RASAL2: variants seen among roughly 807,000 people sequenced by gnomAD.
RASAL2 encodes ras GTPase-activating protein nGAP.
In RASAL2, 58 loss-of-function variants were observed where a neutral mutation model predicts 128.9. That is an observed-to-expected ratio of 0.45 (90% CI 0.36 to 0.56). The LOEUF (loss-of-function observed/expected upper bound fraction) is 0.56. RASAL2 is among the 20% of genes least tolerant of loss of function. RASAL2 has a pLI of 0.00. For synonymous variants in RASAL2, 561 were observed against 580.8 expected, an observed-to-expected ratio of 0.97 and a Z score of 0.49; for missense variants, 1,360 against 1,601.6, an observed-to-expected ratio of 0.85 and a Z score of 2.57.
chr1:178,361,126 G>A (rs1043820545), intron 3 of RASAL2, among the ~76,000 whole-genome samples: 1 of 152,188 alleles, frequency 6.6e-6, no homozygotes, highest in Admixed American at 6.5e-5. Context: ...AGATAATAAT[G>A]TAGTTCTGTA....
chr1:178,249,802 G>A (rs1198836229), intron 1 of RASAL2, among the ~76,000 whole-genome samples: 2 of 151,732 alleles, frequency 1.3e-5, no homozygotes, highest in Non-Finnish European at 2.9e-5. Context: ...CTGTTTGTTA[G>A]TGTTTCTTCT....
At chr1:178,383,220 A>G (rs2102572256) in intron 3 of RASAL2, among the ~76,000 whole-genome samples, 1 of 152,300 alleles carries the variant, frequency 6.6e-6, no homozygotes, top group East Asian at 1.9e-4. Flanking sequence ...TGTGTGGGGC[A>G]TGCAAACTTG....
chr1:178,147,248 G>A (rs1193600482), intron 1 of RASAL2, among the ~76,000 whole-genome samples: 1 of 152,106 alleles, frequency 6.6e-6, no homozygotes, highest in African/African-American at 2.4e-5. Flanking sequence ...CAGCACTTAG[G>A]GAGGCCGAGG....
At chr1:178,398,906 G>C (rs1673434860) in intron 4 of RASAL2, among the ~76,000 whole-genome samples, 29 of 152,082 alleles carry the variant, frequency 1.9e-4, no homozygotes. Context: ...TTCCTTCCCT[G>C]AACTAGTACC....
chr1:178,126,650 T>G lies in RASAL2; in HGVS notation c.202+31956T>G, dbSNP rs151273528. ...ATAAAAATGTGGGAAAGCTCAAGAGTGAGTACACTTTACAACCTGGCTGCC... is the reference window on the plus strand; with the variant it reads ...ATAAAAATGTGGGAAAGCTCAAGAGGGAGTACACTTTACAACCTGGCTGCC... On this transcript the variant is annotated intron_variant, in intron 1 of 17. Transcript: ENST00000367649. 8.3e-4 allele frequency among the ~76,000 whole-genome samples: 127 copies of G among 152,302 alleles called. 1 individual carries two copies. The highest frequency in any genetic ancestry group is 2.9e-3 in the African/African-American group (120 of 41,566).
intron 1 of RASAL2, among the ~76,000 whole-genome samples, chr1:178,208,845 G>A (rs1663154842): frequency 6.6e-6 from 1 of 152,256 alleles, no homozygotes; most frequent in East Asian, 1.9e-4. Flanking sequence ...TGTCACCCCT[G>A]GCGGCCCAGC....
intron 1 of RASAL2, among the ~76,000 whole-genome samples, chr1:178,166,496 T>C (rs372174764): frequency 6.6e-6 from 1 of 152,220 alleles, no homozygotes; most frequent in East Asian, 1.9e-4. Flanking sequence ...AAAATAAACT[T>C]ATGTGAGTAA....
rs914196862 is a variant in RASAL2, at chr1:178,464,842, T to G, written c.3387+430T>G. ...TTTTGGTTTTAGTTGTTTTTTTTTT[T>G]TTTTTTTTTTTTTTGCCTTTTCTGG... On this transcript the variant is annotated intron_variant, in intron 15 of 17. Transcript: ENST00000367649. Among the ~76,000 whole-genome samples, 683 of 130,376 alleles carry G rather than the reference T, an allele frequency of 5.2e-3. 23 individuals carry two copies. Among genetic ancestry groups the G allele is most frequent in the African/African-American group, 0.019 (638 of 34,384 alleles). 85.5% of individuals were successfully genotyped at this position (130,376 alleles called of 152,430 possible). A position where few individuals can be genotyped will look rare whatever the true frequency, so the allele number is the denominator to read the frequency against.
In RASAL2 at chr1:178,094,401, T is replaced by G. The variant is rs896236623; in HGVS notation, c.-92T>G. The G allele has an allele frequency of 8.1e-7, 1 of 1,232,022 alleles. No homozygotes were observed. The highest frequency in any genetic ancestry group is 1.1e-6 in the Non-Finnish European group (1 of 922,046). 76.3% of individuals were successfully genotyped at this position (1,232,022 alleles called of 1,614,324 possible). On this transcript the variant is annotated 5_prime_UTR_variant, in exon 1 of 18. Transcript: ENST00000367649. ...TCGGGTCCCTGCCCTCGCTGCGCGC[T>G]CTCCTCCTCCCCTTACCGCAGGCAG...
chr1:178,102,619 A>G (rs1391041209), intron 1 of RASAL2, among the ~76,000 whole-genome samples: 1 of 152,188 alleles, frequency 6.6e-6, no homozygotes, highest in Non-Finnish European at 1.5e-5. Flanking sequence ...CAAACTGCAT[A>G]TATTTTACAT....
chr1:178,359,549 A>AACATTTTCATTT (rs1266741313), intron 3 of RASAL2, among the ~76,000 whole-genome samples: 4 of 152,148 alleles, frequency 2.6e-5, no homozygotes, highest in Non-Finnish European at 5.9e-5. Flanking sequence ...CATTTTACAA[A>AACATTTTCATTT]ACATCATTTT....
rs139795268 is a variant in RASAL2 at position 178,411,200 on chromosome 1, G to A, written c.565-9311G>A. ...CACACACACACACACACACCCCATG[G>A]AATACTACTCAGTCACAAACAAAAA... is the stretch of plus-strand genomic sequence containing the variant. On this transcript the variant is annotated intron_variant, in intron 4 of 17. Transcript: ENST00000367649. 6.9e-4 allele frequency among the ~76,000 whole-genome samples: 103 copies of A among 150,246 alleles called. 2 individuals carry two copies. In the East Asian group the frequency reaches 0.021, roughly 30 times the overall value.
In RASAL2 at chr1:178,260,364, ATATATATATATATATATATAT is replaced by A. The variant is rs1665630467; in HGVS notation, c.203-23199_203-23179del. Among the ~76,000 whole-genome samples, 6 of 19,632 alleles carry A rather than the reference ATATATATATATATATATATAT, an allele frequency of 3.1e-4. 2 individuals are homozygous for A. Among genetic ancestry groups the A allele is most frequent in the Non-Finnish European group, 5.9e-4 (6 of 10,108 alleles). The allele number at this position is 19,632 out of a possible 152,430, so 12.9% of individuals were successfully genotyped here. A position where few individuals can be genotyped will look rare whatever the true frequency, so the allele number is the denominator to read the frequency against. On this transcript the variant is annotated intron_variant, in intron 1 of 17. Coordinates refer to ENST00000367649, the MANE Select transcript of RASAL2 (RefSeq NM_170692.4). ...GAGACTCGTCTCAAAAAAAAAAAAA[ATATATATATATATATATATAT>A]ATATATATATATATATATATATATA... is the stretch of plus-strand genomic sequence containing the variant.
chr1:178,307,721 A>G (rs1290038571), intron 3 of RASAL2, among the ~76,000 whole-genome samples: 3 of 152,194 alleles, frequency 2.0e-5, no homozygotes, highest in Admixed American at 6.5e-5. Flanking sequence ...GTTATTGCAT[A>G]TTGCTTACTG....
At chr1:178,167,054 A>G (rs1009676294) in intron 1 of RASAL2, among the ~76,000 whole-genome samples, 4 of 152,160 alleles carry the variant, frequency 2.6e-5, no homozygotes, top group Admixed American at 2.6e-4. Context: ...ATGTTCAAAC[A>G]AAAAATTTCC....
chr1:178,249,096 G>C (rs2102077193), intron 1 of RASAL2, among the ~76,000 whole-genome samples: 1 of 152,134 alleles, frequency 6.6e-6, no homozygotes, highest in East Asian at 1.9e-4. Flanking sequence ...GTCTTCCTAG[G>C]TTGGGGAAGT....
intron 1 of RASAL2, among the ~76,000 whole-genome samples, chr1:178,208,237 C>CA (rs1663123500): frequency 6.6e-6 from 1 of 152,046 alleles, no homozygotes; most frequent in African/African-American, 2.4e-5. Context: ...CAGGGTTGGG[C>CA]AAAAACAGCC....
At chr1:178,245,158 G>A (rs189714099) in intron 1 of RASAL2, among the ~76,000 whole-genome samples, 11 of 152,196 alleles carry the variant, frequency 7.2e-5, no homozygotes, top group East Asian at 1.9e-4. Flanking sequence ...CCACACTGTC[G>A]TCCACAATGG....
rs1571952438 is a variant in RASAL2, at chr1:178,373,956, C to A, written c.458-16144C>A. Among the ~76,000 whole-genome samples, 8 of 152,228 alleles carry A rather than the reference C, an allele frequency of 5.3e-5. 1 individual carries two copies. In the East Asian group the frequency reaches 1.5e-3, roughly 29 times the overall value. On this transcript the variant is annotated intron_variant, in intron 3 of 17. Transcript: ENST00000367649. The stretch of plus-strand genomic sequence containing the variant: ...CCGATTATCCACCCAATGGAAGCTT[C>A]AGATTATAGATAAAAACAGGTAAGT...
Sources: gnomAD v4.1 joint callset for allele counts (sites outside exome capture counted in the v4.1 genomes callset) on GRCh38, gnomAD v4.1.1 for gene constraint, MANE v1.5 for transcripts, NCBI Gene and HGNC (gene_info 2026-07-23, HGNC 2026-07-21) for gene names.